Variants in KCNQ1 observed in about 807,000 individuals in gnomAD.
KCNQ1 encodes potassium voltage-gated channel subfamily Q member 1, also known as potassium voltage-gated channel subfamily KQT member 1.
KCNQ1 carries 49 observed loss-of-function variants against 72.4 expected under a neutral mutation model. The observed-to-expected ratio is 0.68, with a 90% CI of 0.54 to 0.86. The LOEUF is 0.86. Ranked by LOEUF, KCNQ1 falls within the 40% of genes least tolerant of loss-of-function variation. The probability of loss-of-function intolerance (pLI) is 0.00; values close to 1 mark genes in which losing one functional copy is unlikely to be tolerated. For missense variants in KCNQ1, 790 were observed against 945.1 expected (o/e 0.84, Z 2.15); for synonymous variants, 450 against 412.6 (o/e 1.09, Z -1.10).
intron 15 of KCNQ1, among the ~76,000 whole-genome samples, chr11:2,793,041 G>A (rs1590091304): frequency 6.6e-6 from 1 of 152,218 alleles, no homozygotes; most frequent in East Asian, 1.9e-4. Flanking sequence ...AGGGATGCTT[G>A]TCCAGCAGGG....
In KCNQ1 at chr11:2,803,933, A is replaced by T. The variant is rs554882866; in HGVS notation, c.1794+25896A>T. ...GCCACCTGCTCCAGCCACCTGGCAGATCCCACTCGGCTCACACAGAGCCTT... is the reference window on the plus strand; with the variant it reads ...GCCACCTGCTCCAGCCACCTGGCAGTTCCCACTCGGCTCACACAGAGCCTT... On this transcript the variant is annotated intron_variant, in intron 15 of 15. Coordinates refer to ENST00000155840, the MANE Select transcript of KCNQ1 (RefSeq NM_000218.3). This position sits in a 1 kb window ranked among gnomAD's most constrained non-coding sequence, Gnocchi z 6.4. 1.4e-4 allele frequency among the ~76,000 whole-genome samples: 22 copies of T among 152,130 alleles called. No individual in the cohort carries two copies. The highest frequency in any genetic ancestry group is 7.2e-4 in the Admixed American group (11 of 15,292).
chr11:2,738,864 C>T (rs968020581), intron 11 of KCNQ1, among the ~76,000 whole-genome samples: 7 of 152,200 alleles, frequency 4.6e-5, no homozygotes, highest in African/African-American at 1.7e-4. Context: ...TATCATCAGA[C>T]GCTGGCCCCA....
intron 10 of KCNQ1, among the ~76,000 whole-genome samples, chr11:2,589,946 C>T (rs112763498): frequency 0.013 from 1,908 of 152,270 alleles, 31 homozygotes; most frequent in South Asian, 0.044. Flanking sequence ...AGACCTCCTG[C>T]CCACTGGCCA....
Position 2,462,122 on chromosome 11 carries a change from G to T in KCNQ1, c.386+16638G>T, listed in dbSNP as rs1036161905. On this transcript the variant is annotated intron_variant, in intron 1 of 15. Coordinates refer to ENST00000155840, the MANE Select transcript of KCNQ1 (RefSeq NM_000218.3). The surrounding 1 kb of genome is among the most constrained non-coding windows in gnomAD (Gnocchi z 8.2). ...CAAGAATCCTTCCCTGGGCTGAGGG[G>T]GCGTTGCTGTGGGTGTATCTCATGG... 60 of 284,896 alleles carry T rather than the reference G, an allele frequency of 2.1e-4. No individual in the cohort carries two copies. The highest frequency in any genetic ancestry group is 1.2e-3 in the African/African-American group (55 of 45,810). The allele number at this position is 284,896 out of a possible 1,614,324, so 17.6% of individuals were successfully genotyped here.
rs866676597 is a variant in KCNQ1, at chr11:2,825,814, G to A, written c.1795-21953G>A. Among the ~76,000 whole-genome samples, 12 of 152,310 alleles carry A rather than the reference G, an allele frequency of 7.9e-5. No homozygotes were observed. In the Middle Eastern group the frequency reaches 0.01, roughly 130 times the overall value. On this transcript the variant is annotated intron_variant, in intron 15 of 15. Transcript: ENST00000155840. ...CGGACTGGACCAGCGCGGCCTCCAC[G>A]CCAGGGACTGGGGCAAGGGTGGAGT... is the stretch of plus-strand genomic sequence containing the variant.
In KCNQ1 at chr11:2,658,798, C is replaced by T; in HGVS notation, c.1394-3163C>T. 1 of 398,506 alleles carries T rather than the reference C, an allele frequency of 2.5e-6. No homozygotes were observed. The highest frequency in any genetic ancestry group is 4.4e-6 in the Non-Finnish European group (1 of 226,056). 24.7% of individuals were successfully genotyped at this position (398,506 alleles called of 1,614,324 possible). ...TTCTGACCAGAGTTCATCCTTGCCC[C>T]CTCCCCCACAACTTATTTATAGCTT... On this transcript the variant is annotated intron_variant, in intron 10 of 15. Coordinates refer to ENST00000155840, the MANE Select transcript of KCNQ1 (RefSeq NM_000218.3). The surrounding 1 kb of genome is among the most constrained non-coding windows in gnomAD (Gnocchi z 4.9).
chr11:2,454,559 T>A (rs900839577), intron 1 of KCNQ1, among the ~76,000 whole-genome samples: 1 of 152,174 alleles, frequency 6.6e-6, no homozygotes, highest in Admixed American at 6.5e-5. Flanking sequence ...TATATTATTC[T>A]AAGAGTGCTG....
At position 2,608,662 on chromosome 11, in the gene KCNQ1, C is replaced by T; in HGVS notation, c.1393+19808C>T. 3 of 398,482 alleles carry T rather than the reference C, an allele frequency of 7.5e-6. No homozygotes were observed. The highest frequency in any genetic ancestry group is 8.8e-6 in the Non-Finnish European group (2 of 226,052). 24.7% of individuals were successfully genotyped at this position (398,482 alleles called of 1,614,324 possible). A position where few individuals can be genotyped will look rare whatever the true frequency, so the allele number is the denominator to read the frequency against. On this transcript the variant is annotated intron_variant, in intron 10 of 15. Coordinates refer to ENST00000155840, the MANE Select transcript of KCNQ1 (RefSeq NM_000218.3). This position sits in a 1 kb window ranked among gnomAD's most constrained non-coding sequence, Gnocchi z 4.6. ...AATATTTTGTAGAGATAGGGTCTTG[C>T]TTTGTTGTGCATGCTATTCTTGAAC...
rs118006133 is a variant in KCNQ1, at chr11:2,714,998, C to T, written c.1514+52917C>T. Among the ~76,000 whole-genome samples, 406 of 152,154 alleles carry T rather than the reference C, an allele frequency of 2.7e-3. 3 individuals are homozygous for T. The highest frequency in any genetic ancestry group is 9.2e-3 in the Admixed American group (140 of 15,296). On this transcript the variant is annotated intron_variant, in intron 11 of 15. Coordinates refer to ENST00000155840, the MANE Select transcript of KCNQ1 (RefSeq NM_000218.3). The stretch of plus-strand genomic sequence containing the variant: ...GGCCTAGCCAGGGCCAGGTGTCACA[C>T]AAGCAGAGCTCCAGGGTGCAGCTGG...
rs966748802 is a variant in KCNQ1, at chr11:2,492,139, A to G, written c.387-35789A>G. Among the ~76,000 whole-genome samples the G allele has an allele frequency of 2.6e-5, 4 of 152,240 alleles. No individual in the cohort carries two copies. Among genetic ancestry groups the G allele is most frequent in the African/African-American group, 9.6e-5 (4 of 41,462 alleles). On this transcript the variant is annotated intron_variant, in intron 1 of 15. Coordinates refer to ENST00000155840, the MANE Select transcript of KCNQ1 (RefSeq NM_000218.3). This position sits in a 1 kb window ranked among gnomAD's most constrained non-coding sequence, Gnocchi z 4.1. ...AAGCAACAAGAAATGATGTGAAGGT[A>G]CAAAACTCACTGGTAATACATACAC...
rs1846660517 is a variant in KCNQ1 at position 2,482,136 on chromosome 11, C to G, written c.386+36652C>G. On this transcript the variant is annotated intron_variant, in intron 1 of 15. Coordinates refer to ENST00000155840, the MANE Select transcript of KCNQ1 (RefSeq NM_000218.3). The surrounding 1 kb of genome is among the most constrained non-coding windows in gnomAD (Gnocchi z 5.7). ...ATTGAATGAACTCATTGTCCAGCAC[C>G]CTTAGCTTCTTGCCAGCTCAGGAAG... Among the ~76,000 whole-genome samples, 1 of 152,132 alleles carries G rather than the reference C, an allele frequency of 6.6e-6. No individual in the cohort carries two copies. Among genetic ancestry groups the G allele is most frequent in the African/African-American group, 2.4e-5 (1 of 41,412 alleles).
chr11:2,673,678 T>C lies in KCNQ1; in HGVS notation c.1514+11597T>C. ...TCCCTTGTCTGCATAGGTGTTTTCC[T>C]ATAAATGTTTAATTCCTGAGGTTGC... On this transcript the variant is annotated intron_variant, in intron 11 of 15. Transcript: ENST00000155840. The surrounding 1 kb of genome is among the most constrained non-coding windows in gnomAD (Gnocchi z 4.5). 2.5e-6 allele frequency: 1 copy of C among 398,698 alleles called. No homozygotes were observed. The highest frequency in any genetic ancestry group is 3.6e-5 in the East Asian group (1 of 28,080). 24.7% of individuals were successfully genotyped at this position (398,698 alleles called of 1,614,324 possible).
chr11:2,658,866 C>G lies in KCNQ1; in HGVS notation c.1394-3095C>G, dbSNP rs1849899580. The G allele has an allele frequency of 2.5e-6, 1 of 398,518 alleles. No homozygotes were observed. The highest frequency in any genetic ancestry group is 4.4e-6 in the Non-Finnish European group (1 of 226,022). 24.7% of individuals were successfully genotyped at this position (398,518 alleles called of 1,614,324 possible). A position where few individuals can be genotyped will look rare whatever the true frequency, so the allele number is the denominator to read the frequency against. ...AACCTGGCTCCCATTACCTACAGTT[C>G]ATTTACTTATTTGTGTAACCCTATT... On this transcript the variant is annotated intron_variant, in intron 10 of 15. Transcript: ENST00000155840. The surrounding 1 kb of genome is among the most constrained non-coding windows in gnomAD (Gnocchi z 4.9).
intron 1 of KCNQ1, among the ~76,000 whole-genome samples, chr11:2,523,774 A>C (rs1306461110): frequency 3.6e-5 from 1 of 28,146 alleles, no homozygotes; most frequent in African/African-American, 1.3e-4. Context: ...TTTTTTTTGA[A>C]AGTTTAAAGC....
rs537238457 is a variant in KCNQ1, at chr11:2,621,145, T to G, written c.1393+32291T>G. The G allele has an allele frequency of 5.0e-6, 2 of 396,744 alleles. No homozygotes were observed. Among genetic ancestry groups the G allele is most frequent in the African/African-American group, 4.1e-5 (2 of 48,658 alleles). The allele number at this position is 396,744 out of a possible 1,614,324, so 24.6% of individuals were successfully genotyped here. A position where few individuals can be genotyped will look rare whatever the true frequency, so the allele number is the denominator to read the frequency against. On this transcript the variant is annotated intron_variant, in intron 10 of 15. Coordinates refer to ENST00000155840, the MANE Select transcript of KCNQ1 (RefSeq NM_000218.3). The surrounding 1 kb of genome is among the most constrained non-coding windows in gnomAD (Gnocchi z 5.7). ...GGTGACCGCCACCATACCTGGCTAA[T>G]TTTTGTGTTTTTAGTAGAGACGGGG...
In KCNQ1 at chr11:2,531,218, G is replaced by GTT. The variant is rs1564808212; in HGVS notation, c.477+3200_477+3201insTT. ...CGTCTGCAGCTCGAGAATTAGACGT[G>GTT]CCCTGGGCTCCACATGCCCGTCTGC... is the stretch of plus-strand genomic sequence containing the variant. On this transcript the variant is annotated intron_variant, in intron 2 of 15. Transcript: ENST00000155840. Among the ~76,000 whole-genome samples the GTT allele has an allele frequency of 2.6e-5, 4 of 151,430 alleles. 1 individual carries two copies. Among genetic ancestry groups the GTT allele is most frequent in the African/African-American group, 7.3e-5 (3 of 41,094 alleles).
At chr11:2,699,458 C>CG (rs1238626824) in intron 11 of KCNQ1, 1 of 400,150 alleles carries the variant, frequency 2.5e-6, no homozygotes, top group East Asian at 3.7e-5. Flanking sequence ...GAGGAGCCGC[C>CG]GGGAGAGTGC....
At chr11:2,582,178 G>C (rs1848509989) in intron 6 of KCNQ1, among the ~76,000 whole-genome samples, 1 of 152,204 alleles carries the variant, frequency 6.6e-6, no homozygotes, top group South Asian at 2.1e-4. Flanking sequence ...CGAGCCTCCT[G>C]CTGTGGCAGT....
At chr11:2,701,912 T>C (rs7937388) in intron 11 of KCNQ1, among the ~76,000 whole-genome samples, 8,506 of 152,330 alleles carry the variant, frequency 0.056, 294 homozygotes, top group Middle Eastern at 0.088. Flanking sequence ...GCTGACAGCC[T>C]CTTGGAGCCA....
Sources: allele counts gnomAD v4.1 joint callset (sites outside exome capture counted in the v4.1 genomes callset), GRCh38; gene constraint gnomAD v4.1.1; non-coding constraint Gnocchi (gnomAD v3.1); transcripts MANE v1.5; gene names NCBI Gene and HGNC (gene_info 2026-07-23, HGNC 2026-07-21).